The following TEX9 variants were observed in gnomAD, a reference collection of about 807,000 sequenced individuals.
TEX9 encodes the protein testis expressed 9, also known as testis-expressed protein 9.
Under a neutral mutation model 59.6 loss-of-function variants are expected in TEX9, and 74 were observed. The observed-to-expected ratio is 1.24, with a 90% CI of 1.03 to 1.51. The LOEUF is 1.51. Ranked by LOEUF, TEX9 falls within the 40% of genes most tolerant of loss-of-function variation. TEX9 has a pLI of 0.00. For missense variants in TEX9, 522 were observed against 447.8 expected (o/e 1.17, Z -1.49); for synonymous variants, 186 against 152.2 (o/e 1.22, Z -1.64).
intron 1 of TEX9, among the ~76,000 whole-genome samples, chr15:56,325,718 G>A (rs905657281): frequency 1.1e-4 from 17 of 151,998 alleles, no homozygotes; most frequent in African/African-American, 2.7e-4. Context: ...ATGGACTCTC[G>A]TTCACATATA....
intron 12 of TEX9, among the ~76,000 whole-genome samples, chr15:56,437,326 A>C (rs1415406795): frequency 1.3e-5 from 2 of 152,184 alleles, no homozygotes; most frequent in African/African-American, 4.8e-5. Flanking sequence ...CAAATCAATA[A>C]ATGTAATCCA....
chr15:56,339,383 C>CAAAAAAAAAAAAAA lies in TEX9; in HGVS notation c.-106-34040_-106-34027dup, dbSNP rs71456382. ...GGGTGTCAGAGCAAGACTCCTTCTC[C>CAAAAAAAAAAAAAA]AAAAAAAAAAAAAAAAAAAAAAAAA... On this transcript the variant is annotated intron_variant, in intron 1 of 5. Coordinates refer to the TEX9 transcript ENST00000560827. Among the ~76,000 whole-genome samples, 16 of 30,754 alleles carry CAAAAAAAAAAAAAA rather than the reference C, an allele frequency of 5.2e-4. 1 individual carries two copies. Among genetic ancestry groups the CAAAAAAAAAAAAAA allele is most frequent in the African/African-American group, 1.3e-3 (11 of 8,320 alleles). 20.2% of individuals were successfully genotyped at this position (30,754 alleles called of 152,430 possible).
intron 1 of TEX9, among the ~76,000 whole-genome samples, chr15:56,291,474 G>T (rs1483149587): frequency 6.6e-6 from 1 of 152,086 alleles, no homozygotes; most frequent in African/African-American, 2.4e-5. Flanking sequence ...TATACAGCAT[G>T]ATGTTTTGAT....
chr15:56,291,124 C>T (rs1243750303), intron 1 of TEX9, among the ~76,000 whole-genome samples: 1 of 152,150 alleles, frequency 6.6e-6, no homozygotes, highest in Non-Finnish European at 1.5e-5. Context: ...GATCCTGATG[C>T]ACCTAGATGT....
In TEX9 at chr15:56,436,891, A is replaced by G. The variant is rs555921772; in HGVS notation, c.*29+8418A>G. 1.5e-3 allele frequency among the ~76,000 whole-genome samples: 224 copies of G among 152,332 alleles called. 2 individuals are homozygous for G. Among genetic ancestry groups the G allele is most frequent in the Non-Finnish European group, 1.5e-3 (104 of 68,032 alleles). ...ATTCCTGGACACATACACCCTCCCA[A>G]GACTAAGCTGGGAAGAAGTTGAATC... On this transcript the variant is annotated intron_variant, in intron 12 of 12. Transcript: ENST00000352903.
chr15:56,436,427 T>C (rs2050725995), intron 12 of TEX9, among the ~76,000 whole-genome samples: 1 of 152,124 alleles, frequency 6.6e-6, no homozygotes, highest in South Asian at 2.1e-4. Context: ...AGACACAACA[T>C]ACCAGAATCT....
intron 12 of TEX9, among the ~76,000 whole-genome samples, chr15:56,444,205 A>C (rs1175189789): frequency 6.6e-6 from 1 of 152,094 alleles, no homozygotes; most frequent in African/African-American, 2.4e-5. Flanking sequence ...TATATAAGAA[A>C]AACAAAGGTT....
At chr15:56,310,570 G>A (rs1213187899) in intron 1 of TEX9, among the ~76,000 whole-genome samples, 2 of 152,224 alleles carry the variant, frequency 1.3e-5, no homozygotes, top group Non-Finnish European at 1.5e-5. Flanking sequence ...TTTGTCAACA[G>A]CGCATCCTAC....
chr15:56,384,359 A>G (rs1281663081), intron 4 of TEX9, among the ~76,000 whole-genome samples: 2 of 152,188 alleles, frequency 1.3e-5, no homozygotes, highest in East Asian at 1.9e-4. Context: ...TACAGTTGTC[A>G]TTGGGCTATG....
chr15:56,351,774 C>T (rs1362257621), intron 1 of TEX9, among the ~76,000 whole-genome samples: 1 of 152,136 alleles, frequency 6.6e-6, no homozygotes, highest in Non-Finnish European at 1.5e-5. Context: ...GGATTAATAT[C>T]CTCTATGTGA....
intron 12 of TEX9, among the ~76,000 whole-genome samples, chr15:56,434,959 T>C (rs2050695042): frequency 6.6e-6 from 1 of 152,122 alleles, no homozygotes; most frequent in Non-Finnish European, 1.5e-5. Flanking sequence ...GTTAAGTCCT[T>C]TCCTATAAGC....
chr15:56,298,995 C>A (rs138086960), intron 1 of TEX9, among the ~76,000 whole-genome samples: 40 of 152,320 alleles, frequency 2.6e-4, no homozygotes, highest in African/African-American at 7.0e-4. Context: ...TTGTTCCCCC[C>A]AAACCCCTTC....
At chr15:56,252,395 T>C (rs930020584) in intron 1 of TEX9, among the ~76,000 whole-genome samples, 1 of 150,442 alleles carries the variant, frequency 6.6e-6, no homozygotes, top group African/African-American at 2.5e-5. Flanking sequence ...TTTTTTTTTT[T>C]GTCCAGGCCA....
At chr15:56,316,586 G>A (rs1420565766) in intron 1 of TEX9, among the ~76,000 whole-genome samples, 1 of 152,148 alleles carries the variant, frequency 6.6e-6, no homozygotes, top group East Asian at 1.9e-4. Flanking sequence ...GGCTGCAGAG[G>A]TTACTGCTGT....
chr15:56,269,535 G>A (rs1226412807), intron 1 of TEX9, among the ~76,000 whole-genome samples: 1 of 151,932 alleles, frequency 6.6e-6, no homozygotes, highest in Non-Finnish European at 1.5e-5. Flanking sequence ...TGTTCTCATT[G>A]GTTTCAAAGA....
chr15:56,286,273 T>C (rs949903204), intron 1 of TEX9, among the ~76,000 whole-genome samples: 15 of 152,164 alleles, frequency 9.9e-5, no homozygotes, highest in African/African-American at 3.4e-4. Flanking sequence ...AGATGTTTCC[T>C]AGGCATAAAT....
chr15:56,412,852 G>C (rs1014281326), intron 10 of TEX9, among the ~76,000 whole-genome samples: 8 of 152,140 alleles, frequency 5.3e-5, no homozygotes, highest in Non-Finnish European at 7.4e-5. Flanking sequence ...GCATGTATCA[G>C]AATCTCTGGG....
intron 1 of TEX9, among the ~76,000 whole-genome samples, chr15:56,336,765 A>G (rs1341118084): frequency 1.3e-5 from 2 of 152,136 alleles, no homozygotes; most frequent in African/African-American, 4.8e-5. Flanking sequence ...GCCCTTCAGA[A>G]TTATCCTGAA....
At chr15:56,456,519 T>G in the TEX9 span, 1 of 1,606,758 alleles carries the variant, frequency 6.2e-7, no homozygotes, top group South Asian at 1.1e-5. Context: ...TGTTTTCTTC[T>G]GCCTGAACGA....
Sources: gnomAD v4.1 joint callset for allele counts (sites outside exome capture counted in the v4.1 genomes callset) on GRCh38, gnomAD v4.1.1 for gene constraint, MANE v1.5 for transcripts, NCBI Gene and HGNC (gene_info 2026-07-23, HGNC 2026-07-21) for gene names.